The following LTBR variants were observed in gnomAD, a reference collection of about 807,000 sequenced individuals.
The protein encoded by LTBR is tumor necrosis factor receptor superfamily member 3.
LTBR carries 15 observed loss-of-function variants against 45.4 expected under a neutral mutation model. The observed-to-expected ratio is 0.33, with a 90% CI of 0.22 to 0.51. The LOEUF is 0.51. Ranked by LOEUF, LTBR falls within the 20% of genes least tolerant of loss-of-function variation. The pLI is 0.97. For missense variants in LTBR, 450 were observed against 565.5 expected (o/e 0.80, Z 2.07); for synonymous variants, 228 against 231.0 (o/e 0.99, Z 0.12).
upstream of LTBR, chr12:6,383,961 T>C: frequency 9.6e-7 from 1 of 1,038,382 alleles, no homozygotes; most frequent in Non-Finnish European, 1.2e-6. Flanking sequence ...GCCAGGGCTG[T>C]CCGCAGTCCG....
chr12:6,390,831 C>T lies in LTBR; in HGVS notation c.1202C>T (p.Thr401Ile), dbSNP rs774645304. The T allele has an allele frequency of 3.1e-5, 50 of 1,611,910 alleles. No homozygotes were observed. Among genetic ancestry groups the T allele is most frequent in the Non-Finnish European group, 3.1e-5 (36 of 1,178,904 alleles). Residue 401 changes from threonine (T) to isoleucine (I), a missense_variant, in exon 10 of 10, where the codon ACA (threonine) becomes ATA (isoleucine). Thr to Ile is a moderately conservative substitution (Grantham distance 89, BLOSUM62 -1). Around this residue, in one of 3 missense-constraint regions of LTBR, gnomAD observed 71 missense variants for 90.4 expected, o/e 0.79. Coordinates refer to ENST00000228918, the MANE Select transcript of LTBR (RefSeq NM_002342.3). ...EGDPGPPGLS[T>I]PHQEDGKAWH... ...GACCCTGGCCCTCCCGGGCTCTCTA[C>T]ACCCCACCAGGAAGATGGCAAGGCT...
chr12:6,389,758 A>G (rs1803195853), intron 8 of LTBR: 1 of 175,740 alleles, frequency 5.7e-6, no homozygotes, highest in Admixed American at 5.8e-5. Context: ...AACTGAGATT[A>G]TGCCACTGCA....
intron 1 of LTBR, among the ~76,000 whole-genome samples, chr12:6,378,472 T>C (rs775256243): frequency 6.6e-6 from 1 of 152,190 alleles, no homozygotes; most frequent in Non-Finnish European, 1.5e-5. Flanking sequence ...GCTTTTAAAC[T>C]ATGTGACTTT....
chr12:6,385,404 T>A (rs1265482103), intron 4 of LTBR, 25 bp downstream of exon 4: 1 of 1,611,808 alleles, frequency 6.2e-7, no homozygotes, highest in East Asian at 2.2e-5. Context: ...AGGGGCTGGA[T>A]GTGAAAAGGA....
chr12:6,384,031 G>T (rs1252732064), upstream of LTBR: 5 of 1,181,732 alleles, frequency 4.2e-6, no homozygotes, highest in Non-Finnish European at 5.2e-6. Flanking sequence ...CGGCCCTCAC[G>T]TGCTTTCCCG....
At chr12:6,385,183 C>T in intron 3 of LTBR, 36 bp downstream of exon 3, 1 of 1,614,154 alleles carries the variant, frequency 6.2e-7, no homozygotes. Context: ...GGCTGGATCC[C>T]CTGGAGCTTG....
In LTBR at chr12:6,386,365, G is replaced by A; in HGVS notation, c.588G>A (p.Leu196=). 1 of 1,613,954 alleles carries A rather than the reference G, an allele frequency of 6.2e-7. No individual in the cohort carries two copies. Among genetic ancestry groups the A allele is most frequent in the South Asian group, 1.1e-5 (1 of 91,074 alleles). ...QPHTRCENQG[L]VEAAPGTAQS... The stretch of plus-strand genomic sequence containing the variant: ...TCTGCAGGTGTGAGAACCAAGGTCT[G>A]GTGGAGGCAGCTCCAGGCACTGCCC... The change falls in exon 6 of 10, where the codon CTG becomes CTA. Residue 196 remains leucine, a synonymous_variant. Transcript: ENST00000228918. This position sits in a 1 kb window ranked among gnomAD's most constrained non-coding sequence, Gnocchi z 4.1.
At chr12:6,381,315 GGGAA>G (rs1948982359), upstream of LTBR, among the ~76,000 whole-genome samples, 1 of 152,178 alleles carries the variant, frequency 6.6e-6, no homozygotes, top group South Asian at 2.1e-4. Flanking sequence ...TATGGAAGTG[GGGAA>G]GGAAGGAAGA....
At chr12:6,380,689 C>CAAAA (rs768898177), upstream of LTBR, among the ~76,000 whole-genome samples, 1 of 84,328 alleles carries the variant, frequency 1.2e-5, no homozygotes, top group African/African-American at 4.3e-5. Flanking sequence ...GACTCTGTCT[C>CAAAA]AAAAAAAAAA....
chr12:6,383,707 A>C (rs1174775338), upstream of LTBR, among the ~76,000 whole-genome samples: 1 of 152,144 alleles, frequency 6.6e-6, no homozygotes. Flanking sequence ...AAAAACTCCC[A>C]CAGTAGGGCA....
intron 9 of LTBR, 132 bp downstream of exon 9, chr12:6,390,472 C>T (rs370881075): frequency 1.1e-5 from 11 of 984,650 alleles, no homozygotes; most frequent in East Asian, 9.9e-5. Context: ...GTCAGTGTCA[C>T]AACTAGAGAA....
In LTBR at chr12:6,386,111, G is replaced by T. The variant is rs748965968; in HGVS notation, c.518G>T (p.Gly173Val). ...AACCACTGCGTCCCCTGCAAGGCCG[G>T]GCACTTCCAGAATACCTCCTCCCCC... ...GNNHCVPCKA[G>V]HFQNTSSPSA... Residue 173 changes from glycine to valine, a missense_variant, in exon 5 of 10, where the codon GGG becomes GTG. Around this residue, in one of 3 missense-constraint regions of LTBR, gnomAD observed 367 missense variants for 435.4 expected, o/e 0.84. Coordinates refer to ENST00000228918, the MANE Select transcript of LTBR (RefSeq NM_002342.3). This position sits in a 1 kb window ranked among gnomAD's most constrained non-coding sequence, Gnocchi z 4.1. 6.2e-7 allele frequency: 1 copy of T among 1,613,864 alleles called. No individual in the cohort carries two copies. The highest frequency in any genetic ancestry group is 8.5e-7 in the Non-Finnish European group (1 of 1,179,900).
chr12:6,386,034 T>G lies in LTBR; in HGVS notation c.473-32T>G, dbSNP rs1949041535. The G allele has an allele frequency of 1.9e-6, 3 of 1,540,680 alleles. No homozygotes were observed. Among genetic ancestry groups the G allele is most frequent in the South Asian group, 2.2e-5 (2 of 89,484 alleles). ...CAAAGGGCCCCTCCCTTTTGCCCATTCACCCTGGCTGGCCTGCCTTTCTCT... is the reference window on the plus strand; with the variant it reads ...CAAAGGGCCCCTCCCTTTTGCCCATGCACCCTGGCTGGCCTGCCTTTCTCT... On this transcript the variant is annotated intron_variant, in intron 4 of 9. Transcript: ENST00000228918. The surrounding 1 kb of genome is among the most constrained non-coding windows in gnomAD (Gnocchi z 4.1).
rs2136916236 is a variant in LTBR at position 6,375,453 on chromosome 12, G to T, written c.-103G>T. On this transcript the variant is annotated 5_prime_UTR_variant, in exon 1 of 10. Transcript: ENST00000539925. Reference sequence around the variant, plus strand: ...CACTCCCAGGTTGCGGCTGGACTGGGACTGGTTCCTTTCCAGTTGAATCTG... The same window carrying T: ...CACTCCCAGGTTGCGGCTGGACTGGTACTGGTTCCTTTCCAGTTGAATCTG... 3 of 1,535,400 alleles carry T rather than the reference G, an allele frequency of 2.0e-6. No homozygotes were observed. The East Asian group carries it at 7.3e-5, about 38-fold the overall frequency.
chr12:6,385,280 C>G lies in LTBR; in HGVS notation c.373C>G (p.Arg125Gly), dbSNP rs371101623. 7 of 1,613,976 alleles carry G rather than the reference C, an allele frequency of 4.3e-6. No homozygotes were observed. Among genetic ancestry groups the G allele is most frequent in the Non-Finnish European group, 5.9e-6 (7 of 1,180,034 alleles). The stretch of plus-strand genomic sequence containing the variant: ...CACAAGCAAACGGAAGACCCAGTGC[C>G]GCTGCCAGCCGGGAATGTTCTGTGC... ...PCTSKRKTQCRCQPGMFCAAW... is the reference protein window; with the variant it reads ...PCTSKRKTQCGCQPGMFCAAW... The change falls in exon 4 of 10, where the codon CGC becomes GGC. Residue 125 changes from arginine to glycine, a missense_variant. Arg to Gly is a moderately radical substitution (Grantham distance 125). Around this residue, in one of 3 missense-constraint regions of LTBR, gnomAD observed 367 missense variants for 435.4 expected, o/e 0.84. Transcript: ENST00000228918.
chr12:6,385,975 G>A (rs1949040852), intron 4 of LTBR, 91 bp from the exon 5 acceptor site: 1 of 823,954 alleles, frequency 1.2e-6, no homozygotes, highest in Non-Finnish European at 2.1e-6. Flanking sequence ...GGGTGGATGG[G>A]CATCCTGAGG....
At chr12:6,380,333 C>A (rs1272648910), upstream of LTBR, among the ~76,000 whole-genome samples, 1 of 152,160 alleles carries the variant, frequency 6.6e-6, no homozygotes, top group Non-Finnish European at 1.5e-5. Context: ...TCCAAGAGCA[C>A]TAGTCAGCTA....
rs1949108759 is a variant in LTBR, at chr12:6,391,053, A to G, written c.*116A>G. The stretch of plus-strand genomic sequence containing the variant: ...GTAGGGCCCGGGGAAGCAGAGCCCT[A>G]AGGGATTAAGGCTCAGACACCTCTG... On this transcript the variant is annotated 3_prime_UTR_variant, in exon 10 of 10. Transcript: ENST00000228918. 2 of 1,119,774 alleles carry G rather than the reference A, an allele frequency of 1.8e-6. No individual in the cohort carries two copies. The highest frequency in any genetic ancestry group is 2.4e-6 in the Non-Finnish European group (2 of 816,686). The allele number at this position is 1,119,774 out of a possible 1,614,324, so 69.4% of individuals were successfully genotyped here.
At chr12:6,378,467 T>C (rs1389720974) in intron 1 of LTBR, among the ~76,000 whole-genome samples, 1 of 152,160 alleles carries the variant, frequency 6.6e-6, no homozygotes, top group Non-Finnish European at 1.5e-5. Context: ...TTTTTGCTTT[T>C]AAACTATGTG....
Sources: allele counts gnomAD v4.1 joint callset (sites outside exome capture counted in the v4.1 genomes callset), GRCh38; gene constraint gnomAD v4.1.1; regional missense constraint gnomAD v4.1.1; non-coding constraint Gnocchi (gnomAD v3.1); transcripts MANE v1.5; gene names NCBI Gene and HGNC (gene_info 2026-07-23, HGNC 2026-07-21).